GRID2: variants seen among roughly 807,000 people sequenced by gnomAD.
The protein encoded by GRID2 is glutamate receptor ionotropic, delta-2.
In GRID2, 33 loss-of-function variants were observed where a neutral mutation model predicts 114.8. The observed-to-expected ratio is 0.29, with a 90% CI of 0.22 to 0.38. The LOEUF is 0.38. Ranked by LOEUF, GRID2 falls within the 10% of genes least tolerant of loss-of-function variation. The probability of loss-of-function intolerance (pLI) is 1.00; values close to 1 mark genes in which losing one functional copy is unlikely to be tolerated. For missense variants in GRID2, 1,184 were observed against 1,257.7 expected, an observed-to-expected ratio of 0.94 and a Z score of 0.89; for synonymous variants, 505 against 449.9, an observed-to-expected ratio of 1.12 and a Z score of -1.55.
At chr4:93,348,284 G>A (rs1336759052) in intron 8 of GRID2, among the ~76,000 whole-genome samples, 2 of 152,062 alleles carry the variant, frequency 1.3e-5, no homozygotes, top group East Asian at 1.9e-4. Context: ...GTTATTGAAG[G>A]TAATATCTGT....
chr4:92,600,059 T>A (rs1465659453), intron 2 of GRID2, among the ~76,000 whole-genome samples: 31 of 121,992 alleles, frequency 2.5e-4, no homozygotes, highest in Non-Finnish European at 4.6e-4. Context: ...TATATATATA[T>A]ATATATATAT....
At chr4:93,045,179 A>G (rs1726011637) in intron 2 of GRID2, among the ~76,000 whole-genome samples, 1 of 152,088 alleles carries the variant, frequency 6.6e-6, no homozygotes. Context: ...TCATGTATAT[A>G]GATATCTCAT....
intron 8 of GRID2, among the ~76,000 whole-genome samples, chr4:93,366,643 C>G (rs759111073): frequency 3.9e-5 from 6 of 152,064 alleles, no homozygotes; most frequent in Non-Finnish European, 8.8e-5. Flanking sequence ...CACACTCCCT[C>G]CCCTTTTGAA....
intron 2 of GRID2, among the ~76,000 whole-genome samples, chr4:92,654,320 A>G (rs1014543110): frequency 1.3e-5 from 2 of 151,958 alleles, no homozygotes; most frequent in Non-Finnish European, 2.9e-5. Flanking sequence ...CATTCTCATG[A>G]GGTCATTTAA....
intron 2 of GRID2, among the ~76,000 whole-genome samples, chr4:93,055,013 T>G (rs1727088902): frequency 6.6e-6 from 1 of 151,968 alleles, no homozygotes; most frequent in Non-Finnish European, 1.5e-5. Flanking sequence ...AATATTGTGA[T>G]AATTTTTCTT....
chr4:93,070,468 G>A (rs576921216), intron 2 of GRID2, among the ~76,000 whole-genome samples: 113 of 152,136 alleles, frequency 7.4e-4, no homozygotes, highest in African/African-American at 2.2e-3. Flanking sequence ...TGCATTTTAT[G>A]CTAAGTGAAA....
chr4:93,080,944 G>C (rs940679680), intron 2 of GRID2, among the ~76,000 whole-genome samples: 1 of 152,138 alleles, frequency 6.6e-6, no homozygotes, highest in Non-Finnish European at 1.5e-5. Flanking sequence ...GAAAGCCAAG[G>C]GGAGGCCAAA....
intron 2 of GRID2, among the ~76,000 whole-genome samples, chr4:92,615,874 A>G (rs1477760551): frequency 2.0e-5 from 3 of 151,242 alleles, no homozygotes; most frequent in East Asian, 4.0e-4. Flanking sequence ...TAAGATATAC[A>G]ATATTGCTCG....
At chr4:93,140,220 A>G (rs1376354180) in intron 4 of GRID2, among the ~76,000 whole-genome samples, 4 of 141,048 alleles carry the variant, frequency 2.8e-5, no homozygotes, top group Non-Finnish European at 4.5e-5. Flanking sequence ...GTGCAGTGGC[A>G]GGACCACCGC....
intron 2 of GRID2, among the ~76,000 whole-genome samples, chr4:92,976,887 C>T (rs1753915321): frequency 6.6e-6 from 1 of 152,126 alleles, no homozygotes; most frequent in Non-Finnish European, 1.5e-5. Flanking sequence ...ATCATACACT[C>T]TTACATTAAA....
intron 14 of GRID2, among the ~76,000 whole-genome samples, chr4:93,674,615 C>CTT (rs34202526): frequency 0.032 from 4,613 of 145,132 alleles, 108 homozygotes; most frequent in African/African-American, 0.064. Flanking sequence ...CATAACGGTG[C>CTT]TTTTTTTTTT....
intron 2 of GRID2, among the ~76,000 whole-genome samples, chr4:92,748,290 A>G (rs1392934222): frequency 6.6e-6 from 1 of 152,202 alleles, no homozygotes; most frequent in Non-Finnish European, 1.5e-5. Flanking sequence ...AAATAAATGA[A>G]AAAACAAGCA....
chr4:92,533,056 A>G (rs1175974881), intron 1 of GRID2, among the ~76,000 whole-genome samples: 2 of 152,142 alleles, frequency 1.3e-5, no homozygotes, highest in Non-Finnish European at 2.9e-5. Flanking sequence ...CCTGGGTGAC[A>G]GAGTGAGATC....
At chr4:93,499,711 G>C (rs1727916731) in intron 12 of GRID2, among the ~76,000 whole-genome samples, 1 of 151,942 alleles carries the variant, frequency 6.6e-6, no homozygotes, top group Non-Finnish European at 1.5e-5. Context: ...GGCACTGCTA[G>C]AGTGCCTCTC....
chr4:93,588,184 C>T (rs1208860552), intron 13 of GRID2, among the ~76,000 whole-genome samples: 2 of 151,642 alleles, frequency 1.3e-5, no homozygotes, highest in Non-Finnish European at 2.9e-5. Context: ...GTGATTTTTC[C>T]AAATAGAAAC....
chr4:93,252,373 G>A (rs1017370319), intron 8 of GRID2, among the ~76,000 whole-genome samples: 11 of 123,238 alleles, frequency 8.9e-5, no homozygotes, highest in African/African-American at 1.3e-4. Context: ...AGATCAGATC[G>A]TTGTAGGTAT....
chr4:92,576,332 G>T (rs1339932272), intron 1 of GRID2, among the ~76,000 whole-genome samples: 2 of 152,194 alleles, frequency 1.3e-5, no homozygotes, highest in Non-Finnish European at 2.9e-5. Context: ...TAGCTGATTG[G>T]ACTAAACAGC....
intron 2 of GRID2, among the ~76,000 whole-genome samples, chr4:92,687,863 A>C (rs1560533091): frequency 6.6e-6 from 1 of 151,648 alleles, no homozygotes; most frequent in Admixed American, 6.6e-5. Context: ...AAAAAGGCTA[A>C]TGATCATGTG....
chr4:93,300,790 C>T (rs1355250340), intron 8 of GRID2, among the ~76,000 whole-genome samples: 1 of 152,048 alleles, frequency 6.6e-6, no homozygotes, highest in African/African-American at 2.4e-5. Context: ...AATTTGTGCC[C>T]CTTTTAAGGG....
Sources: gnomAD v4.1 joint callset for allele counts (sites outside exome capture counted in the v4.1 genomes callset) on GRCh38, gnomAD v4.1.1 for gene constraint, MANE v1.5 for transcripts, NCBI Gene and HGNC (gene_info 2026-07-23, HGNC 2026-07-21) for gene names.